OTUD7A: variants seen among roughly 807,000 people sequenced by gnomAD.
OTUD7A encodes OTU domain-containing protein 7A.
In OTUD7A, 12 loss-of-function variants were observed where a neutral mutation model predicts 65.7. The observed-to-expected ratio is 0.18, with a 90% CI of 0.12 to 0.30. OTUD7A has a LOEUF of 0.30. Ranked by LOEUF, OTUD7A falls within the 10% of genes least tolerant of loss-of-function variation. OTUD7A has a pLI of 1.00. For missense variants in OTUD7A, 1,148 were observed against 1,304.8 expected, an observed-to-expected ratio of 0.88 and a Z score of 1.85; for synonymous variants, 641 against 586.3, an observed-to-expected ratio of 1.09 and a Z score of -1.35.
chr15:31,594,316 T>A (rs987602760), intron 3 of OTUD7A, among the ~76,000 whole-genome samples: 1 of 152,202 alleles, frequency 6.6e-6, no homozygotes, highest in African/African-American at 2.4e-5. Context: ...AAAACTGAAA[T>A]AAAACTAAAT....
chr15:31,584,087 G>C (rs1326803191), intron 3 of OTUD7A, among the ~76,000 whole-genome samples: 1 of 152,206 alleles, frequency 6.6e-6, no homozygotes, highest in Non-Finnish European at 1.5e-5. Flanking sequence ...CACAAAGACA[G>C]CAGGGTGGGC....
intron 1 of OTUD7A, among the ~76,000 whole-genome samples, chr15:31,711,246 T>C (rs1893438331): frequency 6.6e-6 from 1 of 152,124 alleles, no homozygotes; most frequent in Non-Finnish European, 1.5e-5. Flanking sequence ...TCTAGAATCC[T>C]ATCACTTAAA....
chr15:31,722,139 C>T (rs8027531), intron 1 of OTUD7A, among the ~76,000 whole-genome samples: 2,569 of 152,236 alleles, frequency 0.017, 79 homozygotes, highest in African/African-American at 0.059. Context: ...CCATGACATA[C>T]CATAGGGAGT....
intron 1 of OTUD7A, among the ~76,000 whole-genome samples, chr15:31,725,911 G>A (rs916416166): frequency 6.6e-6 from 1 of 152,076 alleles, no homozygotes; most frequent in African/African-American, 2.4e-5. Flanking sequence ...TTGAGCTGCC[G>A]AGATCTGGGG....
At chr15:31,535,484 T>G (rs1397424062) in intron 5 of OTUD7A, among the ~76,000 whole-genome samples, 1 of 152,152 alleles carries the variant, frequency 6.6e-6, no homozygotes, top group Non-Finnish European at 1.5e-5. Context: ...AAATGGACTA[T>G]TACCTACCTT....
In OTUD7A at chr15:31,623,261, G is replaced by A. The variant is rs189099523; in HGVS notation, c.151+31835C>T. Reference sequence around the variant, plus strand: ...TGTCTGTTCTCAGATCTCAAACTCCGTGCTGGGAGAACCACTACTCTCTTC... The same window carrying A: ...TGTCTGTTCTCAGATCTCAAACTCCATGCTGGGAGAACCACTACTCTCTTC... On this transcript the variant is annotated intron_variant, in intron 3 of 12. Transcript: ENST00000307050. 3.3e-3 allele frequency among the ~76,000 whole-genome samples: 505 copies of A among 152,324 alleles called. 2 individuals are homozygous for A. The highest frequency in any genetic ancestry group is 5.5e-3 in the Non-Finnish European group (375 of 68,030).
intron 3 of OTUD7A, among the ~76,000 whole-genome samples, chr15:31,585,755 T>C (rs536713668): frequency 6.6e-6 from 1 of 152,096 alleles, no homozygotes; most frequent in Non-Finnish European, 1.5e-5. Context: ...TGTGTATACA[T>C]AAAGATGTAT....
intron 8 of OTUD7A, among the ~76,000 whole-genome samples, chr15:31,510,124 T>TA (rs1463346755): frequency 6.6e-5 from 10 of 151,966 alleles, no homozygotes; most frequent in African/African-American, 2.4e-4. Flanking sequence ...TTTCTACACT[T>TA]AGTTTTCTGG....
chr15:31,646,669 C>T (rs6493841), intron 3 of OTUD7A, among the ~76,000 whole-genome samples: 5 of 151,822 alleles, frequency 3.3e-5, no homozygotes, highest in African/African-American at 1.2e-4. Context: ...CCATGTTGGT[C>T]AGGCTGGCCT....
chr15:31,702,386 T>G (rs1893231441), intron 1 of OTUD7A, among the ~76,000 whole-genome samples: 1 of 147,188 alleles, frequency 6.8e-6, no homozygotes, highest in East Asian at 1.9e-4. Flanking sequence ...CTCTGAAAAC[T>G]TTTAGAACTA....
intron 1 of OTUD7A, among the ~76,000 whole-genome samples, chr15:31,674,111 G>C (rs1892544055): frequency 6.6e-6 from 1 of 152,176 alleles, no homozygotes; most frequent in Non-Finnish European, 1.5e-5. Flanking sequence ...TATAAGAAAG[G>C]AACAGTTCTC....
In OTUD7A at chr15:31,765,760, A is replaced by G. The variant is rs1337020205; in HGVS notation, c.-100+104747T>C. On this transcript the variant is annotated intron_variant, in intron 1 of 12. Transcript: ENST00000307050. ...TAATTCAGCTAGTATCTTAGACTAC[A>G]GAACTTTGGTTTTCTTAAAATCAGC... 2.4e-5 allele frequency: 32 copies of G among 1,318,614 alleles called. No individual in the cohort carries two copies. In the Admixed American group the frequency reaches 5.8e-4, roughly 24 times the overall value. 81.7% of individuals were successfully genotyped at this position (1,318,614 alleles called of 1,614,324 possible).
intron 1 of OTUD7A, among the ~76,000 whole-genome samples, chr15:31,675,924 T>C (rs930682127): frequency 4.6e-5 from 7 of 152,206 alleles, no homozygotes; most frequent in African/African-American, 1.7e-4. Flanking sequence ...ATGGGAAGAC[T>C]ATATTGGTAA....
intron 10 of OTUD7A, among the ~76,000 whole-genome samples, chr15:31,500,364 CG>C (rs1420137305): frequency 9.2e-5 from 14 of 152,372 alleles, no homozygotes; most frequent in African/African-American, 3.1e-4. Context: ...ATTCTTGTCA[CG>C]GCCGGCTGTA....
rs143994342 is a variant in OTUD7A at position 31,540,871 on chromosome 15, G to A, written c.551-10063C>T. 3.2e-3 allele frequency among the ~76,000 whole-genome samples: 494 copies of A among 152,320 alleles called. 3 individuals carry two copies. The highest frequency in any genetic ancestry group is 0.011 in the African/African-American group (474 of 41,552). ...GACTATGAACTGCAAATAAAGGGAA[G>A]CTTTTGCACACAGAGTGCCTGGTGC... On this transcript the variant is annotated intron_variant, in intron 5 of 12. Coordinates refer to ENST00000307050, the MANE Select transcript of OTUD7A (RefSeq NM_001382637.1).
At chr15:31,622,096 C>G (rs940296663) in intron 3 of OTUD7A, among the ~76,000 whole-genome samples, 1 of 152,208 alleles carries the variant, frequency 6.6e-6, no homozygotes, top group African/African-American at 2.4e-5. Flanking sequence ...TTGGCCCCCA[C>G]TCTCTTCTGG....
At position 31,484,624 on chromosome 15, in the gene OTUD7A, T is replaced by C. The variant is rs777260675; in HGVS notation, c.1472A>G (p.Asn491Ser). 6 of 1,599,164 alleles carry C rather than the reference T, an allele frequency of 3.8e-6. No individual in the cohort carries two copies. In the African/African-American group the frequency reaches 4.0e-5, roughly 11 times the overall value. ...LDSDRDSVCS[N>S]SNSNNGKNGK... ...GTTCTTGCCGTTATTGCTGTTAGAA[T>C]TGCTGCACACCGAATCGCGGTCCGA... The change falls in exon 13 of 13, where the codon AAT (asparagine) becomes AGT (serine). Residue 491 changes from asparagine (N) to serine (S), a missense_variant. Physicochemically the swap from Asn to Ser is conservative, Grantham distance 46 (BLOSUM62 1). Around this residue, in one of 6 missense-constraint regions of OTUD7A, gnomAD observed 842 missense variants for 769.5 expected, o/e 1.09. Transcript: ENST00000307050. The surrounding 1 kb of genome is among the most constrained non-coding windows in gnomAD (Gnocchi z 4.5).
intron 1 of OTUD7A, among the ~76,000 whole-genome samples, chr15:31,739,745 A>AC (rs1441743466): frequency 6.6e-6 from 1 of 152,120 alleles, no homozygotes; most frequent in East Asian, 1.9e-4. Context: ...GGCATGCACC[A>AC]CCATGTAGTA....
In OTUD7A at chr15:31,753,696, T is replaced by TA. The variant is rs1408625421; in HGVS notation, c.-99-96620dup. Among the ~76,000 whole-genome samples, 56 of 13,140 alleles carry TA rather than the reference T, an allele frequency of 4.3e-3. 2 individuals carry two copies. The highest frequency in any genetic ancestry group is 0.014 in the African/African-American group (51 of 3,648). 8.6% of individuals were successfully genotyped at this position (13,140 alleles called of 152,430 possible). A position where few individuals can be genotyped will look rare whatever the true frequency, so the allele number is the denominator to read the frequency against. ...ATATATAACCTGTGAGATATATATATATATATTATATATATATATATATAT... is the reference window on the plus strand; with the variant it reads ...ATATATAACCTGTGAGATATATATATAATATATTATATATATATATATATAT... On this transcript the variant is annotated intron_variant, in intron 1 of 12. Coordinates refer to ENST00000307050, the MANE Select transcript of OTUD7A (RefSeq NM_001382637.1).
Sources: gnomAD v4.1 joint callset for allele counts (sites outside exome capture counted in the v4.1 genomes callset) on GRCh38, gnomAD v4.1.1 for gene constraint, gnomAD v4.1.1 regional missense constraint, Gnocchi (gnomAD v3.1) non-coding constraint, MANE v1.5 for transcripts, NCBI Gene and HGNC (gene_info 2026-07-23, HGNC 2026-07-21) for gene names.